FGF14: variants seen among roughly 807,000 people sequenced by gnomAD.
FGF14 encodes fibroblast growth factor 14.
A neutral mutation model predicts 25.5 loss-of-function variants in FGF14; 5 were observed. The ratio of observed to expected loss-of-function variants is 0.20; its 90% CI spans 0.10 to 0.41. The LOEUF is 0.41. FGF14 is among the 10% of genes least tolerant of loss of function. The pLI, the probability that FGF14 is intolerant of heterozygous loss-of-function variation, is 1.00. For missense variants in FGF14, 222 were observed against 320.1 expected, an observed-to-expected ratio of 0.69 and a Z score of 2.34; for synonymous variants, 138 against 118.3, an observed-to-expected ratio of 1.17 and a Z score of -1.08.
intron 3 of FGF14, among the ~76,000 whole-genome samples, chr13:101,834,642 G>T (rs1056617904): frequency 6.6e-6 from 1 of 151,890 alleles, no homozygotes; most frequent in Non-Finnish European, 1.5e-5. Context: ...TTCTCAACAG[G>T]ACAATCATTT....
intron 3 of FGF14, among the ~76,000 whole-genome samples, chr13:101,781,937 G>T (rs1462717510): frequency 6.6e-6 from 1 of 152,094 alleles, no homozygotes; most frequent in African/African-American, 2.4e-5. Context: ...ATTTTTCTCT[G>T]GCTCTCCTTT....
intron 3 of FGF14, among the ~76,000 whole-genome samples, chr13:101,807,939 T>C (rs1258814566): frequency 6.6e-6 from 1 of 152,094 alleles, no homozygotes; most frequent in Non-Finnish European, 1.5e-5. Flanking sequence ...GATATTATTC[T>C]GCATAATACT....
chr13:102,074,186 AT>A (rs979679136), intron 1 of FGF14, among the ~76,000 whole-genome samples: 15 of 151,856 alleles, frequency 9.9e-5, no homozygotes, highest in Admixed American at 3.3e-4. Context: ...ATTTTAAAAA[AT>A]TTTTTTTGTA....
chr13:102,272,484 A>C (rs2053296923), intron 1 of FGF14, among the ~76,000 whole-genome samples: 1 of 152,202 alleles, frequency 6.6e-6, no homozygotes, highest in South Asian at 2.1e-4. Flanking sequence ...CTTGGCACAA[A>C]GCAGGTGCAA....
chr13:101,804,640 T>C (rs2041095768), intron 3 of FGF14, among the ~76,000 whole-genome samples: 2 of 152,146 alleles, frequency 1.3e-5, no homozygotes, highest in Admixed American at 6.6e-5. Context: ...TATCTAGATT[T>C]AAGTTGTAAC....
At chr13:101,965,737 A>G (rs2139492951) in intron 1 of FGF14, among the ~76,000 whole-genome samples, 1 of 151,708 alleles carries the variant, frequency 6.6e-6, no homozygotes, top group South Asian at 2.1e-4. Context: ...AAAAAGATGG[A>G]TAGGAGAAGT....
At chr13:101,820,453 A>G (rs1399624170) in intron 3 of FGF14, among the ~76,000 whole-genome samples, 1 of 152,190 alleles carries the variant, frequency 6.6e-6, no homozygotes, top group Non-Finnish European at 1.5e-5. Context: ...GATGAAGACT[A>G]GCCTTTACAT....
intron 1 of FGF14, among the ~76,000 whole-genome samples, chr13:102,268,945 T>C (rs1167929527): frequency 6.6e-6 from 1 of 152,208 alleles, no homozygotes; most frequent in East Asian, 1.9e-4. Flanking sequence ...ATGTTATTTA[T>C]GCTGGCAAAA....
intron 1 of FGF14, among the ~76,000 whole-genome samples, chr13:101,910,839 T>C (rs1276723898): frequency 1.7e-4 from 1 of 5,768 alleles, no homozygotes; most frequent in Non-Finnish European, 2.6e-4. Flanking sequence ...TTTGGATTCG[T>C]GTGTGTGTGT....
At chr13:101,938,453 T>C (rs561170618) in intron 1 of FGF14, among the ~76,000 whole-genome samples, 48 of 152,296 alleles carry the variant, frequency 3.2e-4, no homozygotes, top group African/African-American at 9.6e-4. Flanking sequence ...TGAGTTAATA[T>C]TAGACATGAA....
At chr13:102,089,218 T>C (rs1252315047) in intron 1 of FGF14, among the ~76,000 whole-genome samples, 1 of 152,160 alleles carries the variant, frequency 6.6e-6, no homozygotes, top group Non-Finnish European at 1.5e-5. Flanking sequence ...CCAGACTGTG[T>C]TCTGTTACCA....
chr13:102,274,480 A>C (rs973304193), intron 1 of FGF14, among the ~76,000 whole-genome samples: 30 of 152,260 alleles, frequency 2.0e-4, no homozygotes, highest in Middle Eastern at 3.4e-3. Context: ...ATATTCATGA[A>C]AGCAAGGATG....
In FGF14 at chr13:101,776,826, G is replaced by A. The variant is rs865830964; in HGVS notation, c.409-50016C>T. ...ACAGAAATTTATTTCTCACAGTTCTGGAGGCTGGGAAGTTCAAGTTCAAGG... is the reference window on the plus strand; with the variant it reads ...ACAGAAATTTATTTCTCACAGTTCTAGAGGCTGGGAAGTTCAAGTTCAAGG... On this transcript the variant is annotated intron_variant, in intron 3 of 4. Transcript: ENST00000376143. Among the ~76,000 whole-genome samples the A allele has an allele frequency of 3.9e-5, 6 of 152,292 alleles. No individual in the cohort carries two copies. In the South Asian group the frequency reaches 1.2e-3, roughly 32 times the overall value.
chr13:101,942,412 A>G (rs545378161), intron 1 of FGF14, among the ~76,000 whole-genome samples: 2 of 152,350 alleles, frequency 1.3e-5, no homozygotes, highest in East Asian at 3.9e-4. Flanking sequence ...CTTGAACATG[A>G]AAATATTATT....
chr13:102,340,033 A>G (rs77845639), intron 1 of FGF14, among the ~76,000 whole-genome samples: 4,515 of 152,288 alleles, frequency 0.03, 242 homozygotes, highest in African/African-American at 0.1. Flanking sequence ...TAAGAGATTA[A>G]CAGAATTTCA....
intron 1 of FGF14, among the ~76,000 whole-genome samples, chr13:101,999,784 G>A (rs996015522): frequency 1.3e-5 from 2 of 152,006 alleles, no homozygotes; most frequent in South Asian, 2.1e-4. Flanking sequence ...TCATATATAC[G>A]ATAAGTGAAG....
intron 1 of FGF14, among the ~76,000 whole-genome samples, chr13:102,099,836 AGTTAG>A (rs71200766): frequency 0.017 from 2,584 of 152,266 alleles, 28 homozygotes; most frequent in Non-Finnish European, 0.026. Context: ...TATGATATAT[AGTTAG>A]GTTTAGTAGG....
intron 3 of FGF14, among the ~76,000 whole-genome samples, chr13:101,825,075 T>G (rs908853679): frequency 1.1e-4 from 17 of 152,328 alleles, no homozygotes; most frequent in African/African-American, 3.4e-4. Context: ...CCCTGAGTTC[T>G]GTAAACCACT....
intron 3 of FGF14, among the ~76,000 whole-genome samples, chr13:101,835,635 A>G (rs1207837031): frequency 6.6e-6 from 1 of 152,016 alleles, no homozygotes; most frequent in East Asian, 1.9e-4. Context: ...TAAACAGGAC[A>G]TGTGGAGGGT....
Sources: allele counts gnomAD v4.1 joint callset (sites outside exome capture counted in the v4.1 genomes callset), GRCh38; gene constraint gnomAD v4.1.1; transcripts MANE v1.5; gene names NCBI Gene and HGNC (gene_info 2026-07-23, HGNC 2026-07-21).